Variants in MACROD2 observed in about 807,000 individuals in gnomAD.
MACROD2 encodes mono-ADP ribosylhydrolase 2.
MACROD2 carries 36 observed loss-of-function variants against 70.4 expected under a neutral mutation model. The observed-to-expected ratio is 0.51, with a 90% CI of 0.39 to 0.68. The LOEUF (loss-of-function observed/expected upper bound fraction) is 0.68, where lower values mean the gene tolerates loss of function less well. Ranked by LOEUF, MACROD2 falls within the 30% of genes least tolerant of loss-of-function variation. The pLI is 0.00. For synonymous variants in MACROD2, 172 were observed against 178.8 expected (o/e 0.96, Z 0.30); for missense variants, 496 against 538.4 (o/e 0.92, Z 0.78).
intron 6 of MACROD2, among the ~76,000 whole-genome samples, chr20:15,269,194 T>C (rs949860948): frequency 6.6e-6 from 1 of 152,258 alleles, no homozygotes; most frequent in Non-Finnish European, 1.5e-5. Context: ...AGATGTTCAA[T>C]ATTGTAACCC....
intron 5 of MACROD2, among the ~76,000 whole-genome samples, chr20:14,958,032 G>T (rs997247836): frequency 6.6e-6 from 1 of 152,054 alleles, no homozygotes; most frequent in Non-Finnish European, 1.5e-5. Context: ...AGTGCTATTT[G>T]CAAGGCTTAT....
chr20:15,043,049 C>G (rs1321436717), intron 5 of MACROD2, among the ~76,000 whole-genome samples: 5 of 152,112 alleles, frequency 3.3e-5, no homozygotes, highest in Non-Finnish European at 5.9e-5. Flanking sequence ...TTCCTTGAAC[C>G]TAAGTCTGCT....
At chr20:15,962,046 C>T (rs753893411) in intron 12 of MACROD2, among the ~76,000 whole-genome samples, 2 of 152,156 alleles carry the variant, frequency 1.3e-5, no homozygotes, top group Non-Finnish European at 2.9e-5. Context: ...CATCATGGTC[C>T]AAACCAGCTT....
intron 13 of MACROD2, among the ~76,000 whole-genome samples, chr20:15,983,899 T>C (rs1856509): frequency 0.36 from 55,218 of 152,084 alleles, 10,250 homozygotes; most frequent in Middle Eastern, 0.45. Flanking sequence ...GTAAAATGAA[T>C]GTTTCCTTTA....
At chr20:14,947,755 T>G in intron 5 of MACROD2, among the ~76,000 whole-genome samples, 1 of 152,094 alleles carries the variant, frequency 6.6e-6, no homozygotes, top group East Asian at 1.9e-4. Flanking sequence ...CCTAAGGCAT[T>G]CAGACTCCAG....
intron 3 of MACROD2, among the ~76,000 whole-genome samples, chr20:14,455,416 C>T (rs967810545): frequency 2.6e-5 from 4 of 151,862 alleles, no homozygotes; most frequent in South Asian, 2.1e-4. Flanking sequence ...CTTTGATCAA[C>T]GAAAGAAAGA....
In MACROD2 at chr20:14,702,705, A is replaced by G. The variant is rs1416213729; in HGVS notation, c.418+17746A>G. ...TATATGTGTATATATATGTATATAT[A>G]TGTGTGTATATATATGTGTATATAT... On this transcript the variant is annotated intron_variant, in intron 5 of 17. Transcript: ENST00000684519. Among the ~76,000 whole-genome samples, 3 of 140,140 alleles carry G rather than the reference A, an allele frequency of 2.1e-5. 1 individual carries two copies. Among genetic ancestry groups the G allele is most frequent in the African/African-American group, 7.8e-5 (3 of 38,248 alleles). The allele number at this position is 140,140 out of a possible 152,430, so 91.9% of individuals were successfully genotyped here.
At chr20:15,170,242 C>T (rs1184426425) in intron 5 of MACROD2, among the ~76,000 whole-genome samples, 1 of 151,990 alleles carries the variant, frequency 6.6e-6, no homozygotes, top group African/African-American at 2.4e-5. Flanking sequence ...GTTCAGGGTT[C>T]AATTTAGGAA....
chr20:14,899,863 G>A (rs1281624477), intron 5 of MACROD2, among the ~76,000 whole-genome samples: 1 of 152,054 alleles, frequency 6.6e-6, no homozygotes, highest in Admixed American at 6.5e-5. Flanking sequence ...GGGCAGTGTT[G>A]GTTGTCAAAT....
intron 3 of MACROD2, among the ~76,000 whole-genome samples, chr20:14,466,093 TG>T (rs2084443904): frequency 6.6e-6 from 1 of 152,132 alleles, no homozygotes; most frequent in Non-Finnish European, 1.5e-5. Context: ...CTTGCTAGAT[TG>T]GGGAAGTTCT....
At position 14,797,907 on chromosome 20, in the gene MACROD2, G is replaced by A. The variant is rs117047535; in HGVS notation, c.418+112948G>A. Among the ~76,000 whole-genome samples the A allele has an allele frequency of 3.6e-3, 547 of 152,172 alleles. 9 individuals are homozygous for A. Among genetic ancestry groups the A allele is most frequent in the South Asian group, 0.015 (70 of 4,812 alleles). ...AATGAATGGTGTCGAGAGGACTGCG[G>A]AGAAACATAAGGCTGACTCTGCATC... On this transcript the variant is annotated intron_variant, in intron 5 of 17. Transcript: ENST00000684519.
chr20:14,266,548 C>T (rs2082145687), intron 3 of MACROD2, among the ~76,000 whole-genome samples: 1 of 152,110 alleles, frequency 6.6e-6, no homozygotes, highest in Non-Finnish European at 1.5e-5. Context: ...CTAGCAACAT[C>T]ATCTTCATTT....
At chr20:15,242,848 G>C (rs1035610368) in intron 6 of MACROD2, among the ~76,000 whole-genome samples, 6 of 152,170 alleles carry the variant, frequency 3.9e-5, no homozygotes, top group Admixed American at 1.3e-4. Context: ...ACCACTCTGG[G>C]ATGGAGGTTA....
intron 3 of MACROD2, among the ~76,000 whole-genome samples, chr20:14,367,349 C>G (rs1417450517): frequency 6.6e-6 from 1 of 152,174 alleles, no homozygotes; most frequent in African/African-American, 2.4e-5. Context: ...ATTTATCATG[C>G]AGTTACTTTT....
intron 5 of MACROD2, among the ~76,000 whole-genome samples, chr20:14,961,023 A>G (rs2074578770): frequency 6.6e-6 from 1 of 152,198 alleles, no homozygotes; most frequent in African/African-American, 2.4e-5. Flanking sequence ...TGGCATCTTT[A>G]TGTGCTAAGG....
rs112386017 is a variant in MACROD2, at chr20:14,094,465, G to A, written c.271+8737G>A. Among the ~76,000 whole-genome samples, 8 of 152,208 alleles carry A rather than the reference G, an allele frequency of 5.3e-5. No individual in the cohort carries two copies. In the East Asian group the frequency reaches 5.8e-4, roughly 11 times the overall value. On this transcript the variant is annotated intron_variant, in intron 3 of 17. Coordinates refer to ENST00000684519, the MANE Select transcript of MACROD2 (RefSeq NM_001351661.2). ...TTTCATTAAAACTGTTCTCACCAAC[G>A]TCACCATAACCTCTTTTTCTTGAAG...
chr20:15,758,373 G>A (rs947107585), intron 8 of MACROD2, among the ~76,000 whole-genome samples: 1 of 150,910 alleles, frequency 6.6e-6, no homozygotes, highest in African/African-American at 2.4e-5. Context: ...TGAGTAGTTG[G>A]GATTACAGGT....
intron 5 of MACROD2, among the ~76,000 whole-genome samples, chr20:15,015,307 T>A (rs1322357742): frequency 6.6e-6 from 1 of 152,152 alleles, no homozygotes; most frequent in Non-Finnish European, 1.5e-5. Flanking sequence ...TCTATGAATA[T>A]AAAAGAAACT....
intron 6 of MACROD2, among the ~76,000 whole-genome samples, chr20:15,324,612 C>A (rs6135385): frequency 0.17 from 26,412 of 152,130 alleles, 2,582 homozygotes; most frequent in Non-Finnish European, 0.22. Context: ...AAGTAACGTT[C>A]TCCTTAGCCT....
Sources: allele counts gnomAD v4.1 joint callset (sites outside exome capture counted in the v4.1 genomes callset), GRCh38; gene constraint gnomAD v4.1.1; transcripts MANE v1.5; gene names NCBI Gene and HGNC (gene_info 2026-07-23, HGNC 2026-07-21).